Variants in SHANK1 observed in about 807,000 individuals in gnomAD.
SHANK1 encodes SH3 and multiple ankyrin repeat domains 1.
In SHANK1, 35 loss-of-function variants were observed where a neutral mutation model predicts 165.6. The ratio of observed to expected loss-of-function variants is 0.21; its 90% CI spans 0.16 to 0.28. The LOEUF (loss-of-function observed/expected upper bound fraction) is 0.28, where lower values mean the gene tolerates loss of function less well. SHANK1 is among the 10% of genes least tolerant of loss of function. The probability of loss-of-function intolerance (pLI) is 1.00; values close to 1 mark genes in which losing one functional copy is unlikely to be tolerated. For synonymous variants in SHANK1, 1,428 were observed against 1,384.8 expected (o/e 1.03, Z -0.69); for missense variants, 2,681 against 3,036.4 (o/e 0.88, Z 2.75).
In SHANK1 at chr19:50,661,758, C is replaced by G; in HGVS notation, c.*207G>C. The G allele has an allele frequency of 1.7e-6, 1 of 574,678 alleles. No homozygotes were observed. The highest frequency in any genetic ancestry group is 3.1e-6 in the Non-Finnish European group (1 of 324,356). The allele number at this position is 574,678 out of a possible 1,614,324, so 35.6% of individuals were successfully genotyped here. ...CCCGCTTCACACACACACACACACTCTTGTGTCAGCTGCCCCCCTTCAGTG... is the reference window on the plus strand; with the variant it reads ...CCCGCTTCACACACACACACACACTGTTGTGTCAGCTGCCCCCCTTCAGTG... On this transcript the variant is annotated 3_prime_UTR_variant, in exon 24 of 24. Coordinates refer to ENST00000293441, the MANE Select transcript of SHANK1 (RefSeq NM_016148.5).
intron 11 of SHANK1, 144 bp downstream of exon 11, chr19:50,703,356 C>T: frequency 1.5e-6 from 1 of 670,980 alleles, no homozygotes; most frequent in Non-Finnish European, 2.5e-6. Context: ...GCTCCCAAGG[C>T]CTTGCTTTAC....
rs1387718943 is a variant in SHANK1 at position 50,718,787 on chromosome 19, G to A, written c.-44+619C>T. Among the ~76,000 whole-genome samples, 1 of 149,476 alleles carries A rather than the reference G, an allele frequency of 6.7e-6. No individual in the cohort carries two copies. Among genetic ancestry groups the A allele is most frequent in the Non-Finnish European group, 1.5e-5 (1 of 66,988 alleles). ...CCGGAGCCGAGGCTGGGAAACTGGT[G>A]GGGGAGAACCCGGCCGGGGAGAGGG... On this transcript the variant is annotated intron_variant, in intron 1 of 23. Coordinates refer to ENST00000293441, the MANE Select transcript of SHANK1 (RefSeq NM_016148.5). The surrounding 1 kb of genome is among the most constrained non-coding windows in gnomAD (Gnocchi z 5.1).
In SHANK1 at chr19:50,714,371, G is replaced by A. The variant is rs2089045830; in HGVS notation, c.532-81C>T. 4.2e-6 allele frequency: 5 copies of A among 1,176,602 alleles called. No individual in the cohort carries two copies. The Admixed American group carries it at 9.8e-5, about 23-fold the overall frequency. 72.9% of individuals were successfully genotyped at this position (1,176,602 alleles called of 1,614,324 possible). A position where few individuals can be genotyped will look rare whatever the true frequency, so the allele number is the denominator to read the frequency against. On this transcript the variant is annotated intron_variant, in intron 4 of 23. Coordinates refer to ENST00000293441, the MANE Select transcript of SHANK1 (RefSeq NM_016148.5). ...CAGGGTCCTCAAGCAGCGACGTCCA[G>A]TGAAAATATACGTGGAGTCACATAC...
At chr19:50,687,795 C>T (rs1035055087) in intron 18 of SHANK1, 128 bp downstream of exon 18, 8 of 1,399,510 alleles carry the variant, frequency 5.7e-6, no homozygotes, top group Non-Finnish European at 7.8e-6. Flanking sequence ...TCAGTTTCTC[C>T]CCACAAGGGT....
chr19:50,691,367 C>T lies in SHANK1; in HGVS notation c.1965-2088G>A, dbSNP rs200572391. ...CCAGGTCTCCAAGGCCCCCCAGCAGCCAGCAGCACCCTTCCTCACTGGAGG... is the reference window on the plus strand; with the variant it reads ...CCAGGTCTCCAAGGCCCCCCAGCAGTCAGCAGCACCCTTCCTCACTGGAGG... On this transcript the variant is annotated intron_variant, in intron 15 of 23. Coordinates refer to ENST00000293441, the MANE Select transcript of SHANK1 (RefSeq NM_016148.5). Among the ~76,000 whole-genome samples the T allele has an allele frequency of 3.9e-5, 6 of 152,262 alleles. No individual in the cohort carries two copies. The East Asian group carries it at 1.2e-3, about 29-fold the overall frequency.
chr19:50,707,886 CTTTTCTTTTCTTT>C (rs1473962271), intron 8 of SHANK1, among the ~76,000 whole-genome samples: 643 of 17,624 alleles, frequency 0.036, 17 homozygotes, highest in Non-Finnish European at 0.039. Context: ...TTTTTCTTTT[CTTTTCTTTTCTTT>C]TCTTTTCTTT....
intron 21 of SHANK1, among the ~76,000 whole-genome samples, chr19:50,679,785 CAGAG>C (rs1462712386): frequency 6.6e-6 from 1 of 151,618 alleles, no homozygotes; most frequent in South Asian, 2.1e-4. Flanking sequence ...TAGACAGAGA[CAGAG>C]AGAGGGAGAC....
chr19:50,666,312 C>A lies in SHANK1; in HGVS notation c.5648G>T (p.Gly1883Val), dbSNP rs780276977. 1.2e-6 allele frequency: 2 copies of A among 1,613,322 alleles called. No individual in the cohort carries two copies. The highest frequency in any genetic ancestry group is 1.3e-5 in the African/African-American group (1 of 75,062). ...ELSSKLQQFG[G>V]SSAAGGALPW... is the part of the protein sequence containing the mutation. ...CAGAGCGCCGCCAGCTGCCGAGGAG[C>A]CCCCAAACTGCTGAAGCTTGGAGCT... Residue 1883 changes from glycine to valine, a missense_variant, in exon 23 of 24, where the codon GGC becomes GTC. Physicochemically the swap from Gly to Val is moderately radical, Grantham distance 109. Transcript: ENST00000293441.
chr19:50,661,718 A>AT lies in SHANK1; in HGVS notation c.*246dup, dbSNP rs1231574730. 4.3e-6 allele frequency: 2 copies of AT among 467,140 alleles called. No homozygotes were observed. Among genetic ancestry groups the AT allele is most frequent in the Non-Finnish European group, 7.6e-6 (2 of 264,766 alleles). 28.9% of individuals were successfully genotyped at this position (467,140 alleles called of 1,614,324 possible). A position where few individuals can be genotyped will look rare whatever the true frequency, so the allele number is the denominator to read the frequency against. Reference sequence around the variant, plus strand: ...TCAATTCCCCTCTGTAATTTCTCCTATCCCCCCTCCGCTCCCCGCTTCACA... The same window carrying AT: ...TCAATTCCCCTCTGTAATTTCTCCTATTCCCCCCTCCGCTCCCCGCTTCACA... On this transcript the variant is annotated 3_prime_UTR_variant, in exon 24 of 24. Transcript: ENST00000293441.
At position 50,711,410 on chromosome 19, in the gene SHANK1, C is replaced by T. The variant is rs747451415; in HGVS notation, c.1038G>A (p.Ser346=). 2.4e-5 allele frequency: 37 copies of T among 1,559,932 alleles called. No individual in the cohort carries two copies. Among genetic ancestry groups the T allele is most frequent in the African/African-American group, 1.8e-4 (13 of 73,456 alleles). The change falls in exon 8 of 24, where the codon TCG becomes TCA. Residue 346 remains serine (S), a synonymous_variant. Coordinates refer to ENST00000293441, the MANE Select transcript of SHANK1 (RefSeq NM_016148.5). The stretch of plus-strand genomic sequence containing the variant: ...CGCAGATGTGCAGAGCCGTGTTCCC[C>T]GAGGCGTTCTGGGCTCCAGGCTCAG... ...YGAEPGAQNA[S]GNTALHICAL...
Position 50,686,205 on chromosome 19 carries a change from C to A in SHANK1, c.2577+32G>T, listed in dbSNP as rs369206881. 1.5e-6 allele frequency: 2 copies of A among 1,333,586 alleles called. No homozygotes were observed. The highest frequency in any genetic ancestry group is 2.4e-5 in the East Asian group (1 of 41,478). 82.6% of individuals were successfully genotyped at this position (1,333,586 alleles called of 1,614,324 possible). ...GGTTGGTGTGTGAACCGCCTCCCCC[C>A]TGGCAGTTCCTCCCCACACCAGGCC... On this transcript the variant is annotated intron_variant, in intron 21 of 23. Transcript: ENST00000293441. The surrounding 1 kb of genome is among the most constrained non-coding windows in gnomAD (Gnocchi z 5.7).
At chr19:50,709,919 A>G (rs2088988362) in intron 8 of SHANK1, among the ~76,000 whole-genome samples, 1 of 152,194 alleles carries the variant, frequency 6.6e-6, no homozygotes, top group Admixed American at 6.5e-5. Flanking sequence ...CTGGACCCTG[A>G]CTGACACTGG....
Position 50,662,286 on chromosome 19 carries a change from C to A in SHANK1, c.6165G>T (p.Val2055=), listed in dbSNP as rs751906420. ...CCCCGGATATCCCCGGGTGTGGCGG[C>A]ACAAAGACTGGGGCGAAGGGGTCAG... The part of the protein sequence containing the change: ...GSADPFAPVF[V]PPHPGISGGL... The change falls in exon 24 of 24, where the codon GTG becomes GTT. Residue 2055 remains valine (V), a synonymous_variant. Coordinates refer to ENST00000293441, the MANE Select transcript of SHANK1 (RefSeq NM_016148.5). This position sits in a 1 kb window ranked among gnomAD's most constrained non-coding sequence, Gnocchi z 7.7. The A allele has an allele frequency of 5.7e-5, 92 of 1,611,776 alleles. No homozygotes were observed. Among genetic ancestry groups the A allele is most frequent in the Non-Finnish European group, 7.6e-5 (89 of 1,178,710 alleles).
intron 21 of SHANK1, among the ~76,000 whole-genome samples, chr19:50,682,255 T>C (rs4441375): frequency 0.38 from 58,256 of 151,582 alleles, 11,729 homozygotes; most frequent in Middle Eastern, 0.48. Context: ...GGGGTTTCAC[T>C]ATGTTTGCCA....
Position 50,703,537 on chromosome 19 carries a change from G to T in SHANK1, c.1516C>A (p.Pro506Thr). Residue 506 changes from proline to threonine, a missense_variant, in exon 11 of 24, where the codon CCT (proline) becomes ACT (threonine). This residue lies in a region of SHANK1 where 195 missense variants were observed against 186.2 expected (regional missense o/e 1.05). Transcript: ENST00000293441. Reference protein sequence around the residue: ...RARSPSRGRHPEDAKRQPRGR... With the variant: ...RARSPSRGRHTEDAKRQPRGR... Reference sequence around the variant, plus strand: ...CGGGGCTGCCTCTTGGCGTCCTCAGGGTGCCTCCCTCGGGATGGAGAGCGG... The same window carrying T: ...CGGGGCTGCCTCTTGGCGTCCTCAGTGTGCCTCCCTCGGGATGGAGAGCGG... 1 of 1,549,986 alleles carries T rather than the reference G, an allele frequency of 6.5e-7. No individual in the cohort carries two copies. The highest frequency in any genetic ancestry group is 1.4e-5 in the African/African-American group (1 of 73,728).
chr19:50,717,891 G>A lies in SHANK1; in HGVS notation c.-43-929C>T, dbSNP rs1019573772. Among the ~76,000 whole-genome samples the A allele has an allele frequency of 6.6e-6, 1 of 152,032 alleles. No individual in the cohort carries two copies. Among genetic ancestry groups the A allele is most frequent in the Non-Finnish European group, 1.5e-5 (1 of 67,976 alleles). On this transcript the variant is annotated intron_variant, in intron 1 of 23. Transcript: ENST00000293441. The surrounding 1 kb of genome is among the most constrained non-coding windows in gnomAD (Gnocchi z 5.5). ...GTGAGAGGAGGGTCTGGGGAACTGA[G>A]TGGGGGATCATCTCTAGATCCTTGC...
In SHANK1 at chr19:50,696,870, A is replaced by C. The variant is rs565753376; in HGVS notation, c.1964+226T>G. On this transcript the variant is annotated intron_variant, in intron 15 of 23. Coordinates refer to ENST00000293441, the MANE Select transcript of SHANK1 (RefSeq NM_016148.5). ...CAGCCCCACAGTCATCATAGCCACA[A>C]AGGCACCAGTATATACAGAGCAGGG... Among the ~76,000 whole-genome samples, 19 of 152,176 alleles carry C rather than the reference A, an allele frequency of 1.2e-4. No individual in the cohort carries two copies. In the South Asian group the frequency reaches 3.7e-3, roughly 30 times the overall value.
intron 23 of SHANK1, among the ~76,000 whole-genome samples, chr19:50,663,800 A>G (rs1285300472): frequency 2.6e-5 from 4 of 151,968 alleles, no homozygotes; most frequent in Non-Finnish European, 5.9e-5. Context: ...AATACTTAAG[A>G]ATAGTCAAGG....
Position 50,688,687 on chromosome 19 carries a change from G to A in SHANK1, c.2172+157C>T, listed in dbSNP as rs1599855994. ...GCCTCAGAGGCCTTTAGATGGAATCGCTGGGGAAAGCAGAGGCTGGCTGGG... is the reference window on the plus strand; with the variant it reads ...GCCTCAGAGGCCTTTAGATGGAATCACTGGGGAAAGCAGAGGCTGGCTGGG... On this transcript the variant is annotated intron_variant, in intron 17 of 23. Coordinates refer to ENST00000293441, the MANE Select transcript of SHANK1 (RefSeq NM_016148.5). This position sits in a 1 kb window ranked among gnomAD's most constrained non-coding sequence, Gnocchi z 6.7. Among the ~76,000 whole-genome samples the A allele has an allele frequency of 1.3e-5, 2 of 152,150 alleles. No individual in the cohort carries two copies. Among genetic ancestry groups the A allele is most frequent in the South Asian group, 2.1e-4 (1 of 4,826 alleles).
Sources: gnomAD v4.1 joint callset for allele counts (sites outside exome capture counted in the v4.1 genomes callset) on GRCh38, gnomAD v4.1.1 for gene constraint, gnomAD v4.1.1 regional missense constraint, Gnocchi (gnomAD v3.1) non-coding constraint, MANE v1.5 for transcripts, NCBI Gene and HGNC (gene_info 2026-07-23, HGNC 2026-07-21) for gene names.